SEM1: variants seen among roughly 807,000 people sequenced by gnomAD.
SEM1 encodes 26S proteasome complex subunit SEM1.
Under a neutral mutation model 12.7 loss-of-function variants are expected in SEM1, and 3 were observed. That is an observed-to-expected ratio of 0.24 (90% CI 0.11 to 0.61). The LOEUF is 0.61. Ranked by LOEUF, SEM1 falls within the 20% of genes least tolerant of loss-of-function variation. The pLI, the probability that SEM1 is intolerant of heterozygous loss-of-function variation, is 0.88. For synonymous variants in SEM1, 30 were observed against 27.8 expected (o/e 1.08, Z -0.25); for missense variants, 59 against 81.3 (o/e 0.73, Z 1.06).
chr7:96,554,474 C>T (rs1380353028), intron 2 of SEM1, among the ~76,000 whole-genome samples: 11 of 134,086 alleles, frequency 8.2e-5, no homozygotes, highest in South Asian at 2.6e-4. Flanking sequence ...TTGTCTTTGG[C>T]TCTGTTTATA....
At chr7:96,619,758 A>T (rs894588253), downstream of SEM1, among the ~76,000 whole-genome samples, 1 of 151,692 alleles carries the variant, frequency 6.6e-6, no homozygotes, top group South Asian at 2.1e-4. Context: ...CTAGTCCGTA[A>T]TCCCACAGCC....
intron 2 of SEM1, among the ~76,000 whole-genome samples, chr7:96,550,791 G>A (rs1430591826): frequency 6.6e-6 from 1 of 152,086 alleles, no homozygotes; most frequent in Non-Finnish European, 1.5e-5. Flanking sequence ...GCAGTCTGAG[G>A]AGTGTGACAC....
intron 2 of SEM1, among the ~76,000 whole-genome samples, chr7:96,550,852 G>A (rs894280141): frequency 6.6e-6 from 1 of 152,146 alleles, no homozygotes; most frequent in African/African-American, 2.4e-5. Flanking sequence ...GATCAAAAAG[G>A]AAGAATCAGG....
At chr7:96,605,203 G>A (rs1313180808) in intron 2 of SEM1, among the ~76,000 whole-genome samples, 1 of 152,058 alleles carries the variant, frequency 6.6e-6, no homozygotes, top group African/African-American at 2.4e-5. Context: ...ACCTAGTGAG[G>A]AAGGTCATCA....
intron 2 of SEM1, among the ~76,000 whole-genome samples, chr7:96,540,605 A>G (rs1804916721): frequency 6.6e-6 from 1 of 151,870 alleles, no homozygotes; most frequent in African/African-American, 2.4e-5. Flanking sequence ...AAACACTGTT[A>G]CTTTTTAAAA....
At chr7:96,606,573 G>T (rs1807385614) in intron 2 of SEM1, among the ~76,000 whole-genome samples, 1 of 152,102 alleles carries the variant, frequency 6.6e-6, no homozygotes, top group Non-Finnish European at 1.5e-5. Flanking sequence ...CAAAATTGTG[G>T]CACAACTATT....
intron 3 of SEM1, among the ~76,000 whole-genome samples, chr7:96,505,643 T>A (rs1563035554): frequency 1.3e-5 from 2 of 152,150 alleles, no homozygotes; most frequent in Admixed American, 6.6e-5. Flanking sequence ...AATTGATTTC[T>A]CACATTTCTG....
intron 2 of SEM1, among the ~76,000 whole-genome samples, chr7:96,626,402 T>A (rs549253766): frequency 2.9e-4 from 44 of 152,210 alleles, no homozygotes; most frequent in Admixed American, 8.5e-4. Context: ...ATGTAAGTAC[T>A]ACATTTTCTT....
chr7:96,575,962 A>G (rs991914890), intron 2 of SEM1, among the ~76,000 whole-genome samples: 2 of 152,182 alleles, frequency 1.3e-5, no homozygotes, highest in Admixed American at 1.3e-4. Context: ...CTGTGTATCC[A>G]TTTATCTTTG....
chr7:96,674,199 C>A (rs564453997), intron 2 of SEM1, among the ~76,000 whole-genome samples: 5 of 152,260 alleles, frequency 3.3e-5, no homozygotes, highest in Admixed American at 1.3e-4. Context: ...TTCCTTGTCT[C>A]CACCACTAGA....
intron 1 of SEM1, among the ~76,000 whole-genome samples, chr7:96,495,909 C>G (rs1803225276): frequency 6.6e-6 from 1 of 152,036 alleles, no homozygotes; most frequent in African/African-American, 2.4e-5. Context: ...TATCTCTCCC[C>G]CTCCCTTCAC....
At chr7:96,572,117 G>A (rs907520348) in intron 2 of SEM1, among the ~76,000 whole-genome samples, 2 of 152,098 alleles carry the variant, frequency 1.3e-5, no homozygotes, top group African/African-American at 2.4e-5. Context: ...ATTTCTGTGG[G>A]ATCGGTGGTG....
At chr7:96,579,606 G>A (rs758609895) in intron 2 of SEM1, among the ~76,000 whole-genome samples, 2 of 152,108 alleles carry the variant, frequency 1.3e-5, no homozygotes, top group Admixed American at 6.5e-5. Context: ...TCAAAACCCT[G>A]CCTCCAGTTG....
chr7:96,539,452 A>C (rs1290134533), intron 2 of SEM1, among the ~76,000 whole-genome samples: 1 of 151,786 alleles, frequency 6.6e-6, no homozygotes, highest in South Asian at 2.1e-4. Context: ...TTATCCACTC[A>C]ACAAGATTTT....
At chr7:96,561,798 G>C (rs530881924) in intron 2 of SEM1, among the ~76,000 whole-genome samples, 152 of 152,286 alleles carry the variant, frequency 1.0e-3, no homozygotes, top group South Asian at 2.9e-3. Context: ...TACTTTCCCT[G>C]GGTAAAAGGA....
upstream of SEM1, among the ~76,000 whole-genome samples, chr7:96,496,985 A>T: frequency 6.7e-6 from 1 of 149,936 alleles, no homozygotes; most frequent in African/African-American, 2.5e-5. Context: ...TCCTATACAC[A>T]CACACATGCG....
chr7:96,631,385 T>C (rs573822918), intron 2 of SEM1, among the ~76,000 whole-genome samples: 3 of 152,244 alleles, frequency 2.0e-5, no homozygotes, highest in African/African-American at 7.2e-5. Context: ...CCAGTTTTTT[T>C]CTTTTATAAT....
chr7:96,581,335 T>C (rs1000763174), intron 2 of SEM1, among the ~76,000 whole-genome samples: 6 of 152,200 alleles, frequency 3.9e-5, no homozygotes, highest in Non-Finnish European at 8.8e-5. Context: ...TCTTTATCTC[T>C]GTTTTGGTAC....
chr7:96,508,937 TTTGA>T (rs1276838598), intron 2 of SEM1, among the ~76,000 whole-genome samples: 1 of 152,210 alleles, frequency 6.6e-6, no homozygotes, highest in Admixed American at 6.6e-5. Flanking sequence ...AGTGTAGTGA[TTTGA>T]TTATGAATCT....
Sources: gnomAD v4.1 joint callset for allele counts (sites outside exome capture counted in the v4.1 genomes callset) on GRCh38, gnomAD v4.1.1 for gene constraint, MANE v1.5 for transcripts, NCBI Gene and HGNC (gene_info 2026-07-23, HGNC 2026-07-21) for gene names.